Variants in AHRR observed in about 807,000 individuals in gnomAD.
The protein encoded by AHRR is aryl hydrocarbon receptor repressor.
AHRR carries 28 observed loss-of-function variants against 44.0 expected under a neutral mutation model. That is an observed-to-expected ratio of 0.64 (90% confidence interval 0.47 to 0.87). The LOEUF is 0.87. AHRR is among the 40% of genes least tolerant of loss of function. The probability of loss-of-function intolerance (pLI) is 0.00; values close to 1 mark genes in which losing one functional copy is unlikely to be tolerated. For synonymous variants in AHRR, 434 were observed against 407.0 expected (o/e 1.07, Z -0.80); for missense variants, 990 against 953.9 (o/e 1.04, Z -0.50).
intron 3 of AHRR, among the ~76,000 whole-genome samples, chr5:372,119 C>T (rs1202551088): frequency 6.6e-6 from 1 of 152,218 alleles, no homozygotes. Context: ...TCCAGGCTTC[C>T]TGGATAGGAA....
At chr5:349,034 G>A (rs1294141552) in intron 2 of AHRR, among the ~76,000 whole-genome samples, 1 of 152,194 alleles carries the variant, frequency 6.6e-6, no homozygotes, top group Non-Finnish European at 1.5e-5. Flanking sequence ...TATCTCATCA[G>A]AGTTTTAATG....
intron 4 of AHRR, among the ~76,000 whole-genome samples, chr5:380,477 CTA>C (rs539773494): frequency 1.2e-3 from 190 of 152,238 alleles, no homozygotes; most frequent in Admixed American, 3.0e-3. Context: ...GTATGTGTCT[CTA>C]TTTAGGTTTT....
chr5:384,038 G>A (rs1318211908), intron 4 of AHRR, among the ~76,000 whole-genome samples: 2 of 151,138 alleles, frequency 1.3e-5, no homozygotes, highest in South Asian at 2.1e-4. Context: ...GTGTGTTTGG[G>A]TCATGTGTCA....
intron 2 of AHRR, among the ~76,000 whole-genome samples, chr5:344,503 G>T (rs199712781): frequency 0.038 from 72 of 1,882 alleles, no homozygotes; most frequent in Admixed American, 0.073. Context: ...TGTGTGTGTG[G>T]GTGTGTGTGT....
At chr5:425,382 A>G (rs546445240) in intron 7 of AHRR, among the ~76,000 whole-genome samples, 10 of 152,130 alleles carry the variant, frequency 6.6e-5, no homozygotes, top group East Asian at 1.9e-4. Flanking sequence ...GCCTGGTGCA[A>G]TCTCGGCTCA....
chr5:411,557 A>G lies in AHRR; in HGVS notation c.352-1787A>G, dbSNP rs1231824436. ...TAGGGCAGTTTTCCAAAGAAGAAAT[A>G]CAAGTTACCAGTGAATGCAGGAAAT... is the stretch of plus-strand genomic sequence containing the variant. On this transcript the variant is annotated intron_variant, in intron 4 of 10. Coordinates refer to ENST00000684583, the MANE Select transcript of AHRR (RefSeq NM_001377236.1). This position sits in a 1 kb window ranked among gnomAD's most constrained non-coding sequence, Gnocchi z 4.2. 2.0e-5 allele frequency among the ~76,000 whole-genome samples: 3 copies of G among 152,210 alleles called. No individual in the cohort carries two copies. Among genetic ancestry groups the G allele is most frequent in the African/African-American group, 7.2e-5 (3 of 41,468 alleles).
intron 3 of AHRR, among the ~76,000 whole-genome samples, chr5:371,417 A>G (rs1743577483): frequency 6.6e-6 from 1 of 152,232 alleles, no homozygotes; most frequent in African/African-American, 2.4e-5. Flanking sequence ...CATCTGAGTC[A>G]GGATTTCAGC....
intron 4 of AHRR, among the ~76,000 whole-genome samples, chr5:400,004 G>C (rs1734943326): frequency 6.6e-6 from 1 of 152,224 alleles, no homozygotes; most frequent in Non-Finnish European, 1.5e-5. Context: ...CCCTGTGAGT[G>C]ATCTGCCTCC....
chr5:398,423 A>G (rs2672723), intron 4 of AHRR, among the ~76,000 whole-genome samples: 28,989 of 152,016 alleles, frequency 0.19, 2,999 homozygotes, highest in African/African-American at 0.23. Flanking sequence ...GCCCCTGACC[A>G]TCCACATAAG....
chr5:374,287 G>T (rs559901200), intron 3 of AHRR, among the ~76,000 whole-genome samples: 1 of 152,354 alleles, frequency 6.6e-6, no homozygotes, highest in African/African-American at 2.4e-5. Context: ...CGGGCTCGGG[G>T]TCAGCTGCTG....
In AHRR at chr5:404,596, G is replaced by T; in HGVS notation, c.352-8748G>T. On this transcript the variant is annotated intron_variant, in intron 4 of 10. Coordinates refer to ENST00000684583, the MANE Select transcript of AHRR (RefSeq NM_001377236.1). This position sits in a 1 kb window ranked among gnomAD's most constrained non-coding sequence, Gnocchi z 4.1. ...ACTAAAATGGTAATTTTTATGTTATGACGGTTTGGAAAAAACTGTCATAAA... is the reference window on the plus strand; with the variant it reads ...ACTAAAATGGTAATTTTTATGTTATTACGGTTTGGAAAAAACTGTCATAAA... 1 of 230,256 alleles carries T rather than the reference G, an allele frequency of 4.3e-6. No homozygotes were observed. Among genetic ancestry groups the T allele is most frequent in the Non-Finnish European group, 8.8e-6 (1 of 113,796 alleles). The allele number at this position is 230,256 out of a possible 1,614,324, so 14.3% of individuals were successfully genotyped here. A position where few individuals can be genotyped will look rare whatever the true frequency, so the allele number is the denominator to read the frequency against.
chr5:383,949 G>C lies in AHRR; in HGVS notation c.351+7233G>C, dbSNP rs2126457602. On this transcript the variant is annotated intron_variant, in intron 4 of 10. Coordinates refer to ENST00000684583, the MANE Select transcript of AHRR (RefSeq NM_001377236.1). This position sits in a 1 kb window ranked among gnomAD's most constrained non-coding sequence, Gnocchi z 4.0. Reference sequence around the variant, plus strand: ...ATCAATTTATGTCATTATATTAAAAGTGTGTGTTTTGTTGGCAGTATGTAA... The same window carrying C: ...ATCAATTTATGTCATTATATTAAAACTGTGTGTTTTGTTGGCAGTATGTAA... 6.6e-6 allele frequency among the ~76,000 whole-genome samples: 1 copy of C among 152,166 alleles called. No individual in the cohort carries two copies. The highest frequency in any genetic ancestry group is 1.5e-5 in the Non-Finnish European group (1 of 68,002).
chr5:323,497 C>T (rs1040264978), intron 1 of AHRR, among the ~76,000 whole-genome samples: 2 of 152,220 alleles, frequency 1.3e-5, no homozygotes, highest in Non-Finnish European at 2.9e-5. Context: ...AAAGTATTAT[C>T]AGCAACTGTT....
At position 435,117 on chromosome 5, in the gene AHRR, C is replaced by T. The variant is rs1166601345; in HGVS notation, c.*283C>T. ...AAAATCTTTAGGAAAGTGATCATGG[C>T]TGGACAGCTTCATGCCCCAGAGGCA... On this transcript the variant is annotated 3_prime_UTR_variant, in exon 11 of 11. Transcript: ENST00000684583. The T allele has an allele frequency of 9.1e-6, 4 of 437,670 alleles. No homozygotes were observed. Among genetic ancestry groups the T allele is most frequent in the Admixed American group, 7.9e-5 (2 of 25,472 alleles). 27.1% of individuals were successfully genotyped at this position (437,670 alleles called of 1,614,324 possible). A position where few individuals can be genotyped will look rare whatever the true frequency, so the allele number is the denominator to read the frequency against.
chr5:332,929 C>CTTTTTTTTTT (rs57937804), intron 1 of AHRR, among the ~76,000 whole-genome samples: 1 of 132,082 alleles, frequency 7.6e-6, no homozygotes, highest in African/African-American at 3.0e-5. Flanking sequence ...TGACCTTTGT[C>CTTTTTTTTTT]TTTTTTTTTT....
At chr5:380,428 G>A (rs1733932727) in intron 4 of AHRR, among the ~76,000 whole-genome samples, 1 of 152,066 alleles carries the variant, frequency 6.6e-6, no homozygotes, top group Admixed American at 6.5e-5. Flanking sequence ...GGGAGCATTG[G>A]CATTTGAACA....
At chr5:341,490 C>T (rs1011483135) in intron 1 of AHRR, among the ~76,000 whole-genome samples, 2 of 144,284 alleles carry the variant, frequency 1.4e-5, no homozygotes, top group Non-Finnish European at 1.5e-5. Context: ...TTTCCTTCCC[C>T]TCCCCTCCCC....
intron 3 of AHRR, among the ~76,000 whole-genome samples, chr5:364,103 C>G (rs1297042815): frequency 6.6e-6 from 1 of 152,206 alleles, no homozygotes; most frequent in African/African-American, 2.4e-5. Flanking sequence ...CTACTGATAA[C>G]AGCCAAAACT....
At chr5:420,856 G>GCACGCAGCCACCCACC (rs1736063113) in intron 5 of AHRR, 2 of 316,364 alleles carry the variant, frequency 6.3e-6, no homozygotes, top group Non-Finnish European at 1.2e-5. Context: ...ACAGACCCAC[G>GCACGCAGCCACCCACC]CACGCAGCCA....
Sources: gnomAD v4.1 joint callset for allele counts (sites outside exome capture counted in the v4.1 genomes callset) on GRCh38, gnomAD v4.1.1 for gene constraint, Gnocchi (gnomAD v3.1) non-coding constraint, MANE v1.5 for transcripts, NCBI Gene and HGNC (gene_info 2026-07-23, HGNC 2026-07-21) for gene names.